The following CNTN5 variants were observed in gnomAD, a reference collection of about 807,000 sequenced individuals.
The protein encoded by CNTN5 is contactin-5.
A neutral mutation model predicts 129.1 loss-of-function variants in CNTN5; 77 were observed. That is an observed-to-expected ratio of 0.60 (90% CI 0.50 to 0.72). CNTN5 has a LOEUF of 0.72. Ranked by LOEUF, CNTN5 falls within the 30% of genes least tolerant of loss-of-function variation. The pLI is 0.00. For missense variants in CNTN5, 1,478 were observed against 1,328.8 expected (o/e 1.11, Z -1.75); for synonymous variants, 509 against 465.6 (o/e 1.09, Z -1.20).
chr11:99,644,425 T>G (rs1951876185), intron 3 of CNTN5, among the ~76,000 whole-genome samples: 1 of 152,188 alleles, frequency 6.6e-6, no homozygotes, highest in African/African-American at 2.4e-5. Context: ...TAGCTCTATA[T>G]CACTTCATAA....
At chr11:99,350,436 A>T (rs1031168035) in intron 2 of CNTN5, among the ~76,000 whole-genome samples, 2 of 152,302 alleles carry the variant, frequency 1.3e-5, no homozygotes, top group East Asian at 3.9e-4. Context: ...ATGCACTGTG[A>T]ACCAGCAATT....
intron 2 of CNTN5, among the ~76,000 whole-genome samples, chr11:99,487,949 T>C (rs1305141907): frequency 1.3e-5 from 2 of 152,158 alleles, no homozygotes; most frequent in African/African-American, 4.8e-5. Flanking sequence ...CCACAGTAAA[T>C]ATAACTAATT....
chr11:100,176,582 G>C (rs763284080), intron 13 of CNTN5, among the ~76,000 whole-genome samples: 2 of 151,982 alleles, frequency 1.3e-5, no homozygotes, highest in Non-Finnish European at 2.9e-5. Flanking sequence ...ATGTAAAGTG[G>C]ATTAAGGATG....
intron 3 of CNTN5, among the ~76,000 whole-genome samples, chr11:99,802,449 C>G (rs372127871): frequency 6.6e-6 from 1 of 152,158 alleles, no homozygotes; most frequent in Non-Finnish European, 1.5e-5. Context: ...ATTAATAGTG[C>G]CGTTTGCAAG....
At chr11:100,051,241 G>A (rs1231381542) in intron 9 of CNTN5, among the ~76,000 whole-genome samples, 1 of 151,976 alleles carries the variant, frequency 6.6e-6, no homozygotes, top group Non-Finnish European at 1.5e-5. Context: ...TAAATTATGT[G>A]TTGGGCCGTA....
chr11:99,819,851 A>G lies in CNTN5; in HGVS notation c.277+86A>G, dbSNP rs997658788. On this transcript the variant is annotated intron_variant, in intron 4 of 24. Transcript: ENST00000524871. ...TACTGTTGCAACAGAGATCAAGACTATTCCAGTAGGAGAGAGTGATTGAAC... is the reference window on the plus strand; with the variant it reads ...TACTGTTGCAACAGAGATCAAGACTGTTCCAGTAGGAGAGAGTGATTGAAC... The G allele has an allele frequency of 5.1e-5, 44 of 870,856 alleles. No homozygotes were observed. In the African/African-American group the frequency reaches 6.2e-4, roughly 12 times the overall value. The allele number at this position is 870,856 out of a possible 1,614,324, so 53.9% of individuals were successfully genotyped here. A position where few individuals can be genotyped will look rare whatever the true frequency, so the allele number is the denominator to read the frequency against.
At chr11:99,874,291 G>C (rs975137343) in intron 6 of CNTN5, among the ~76,000 whole-genome samples, 1 of 152,110 alleles carries the variant, frequency 6.6e-6, no homozygotes, top group Non-Finnish European at 1.5e-5. Flanking sequence ...CTCATCTGTT[G>C]AAAACTTAAG....
At chr11:99,075,649 C>A (rs1180695907) in intron 1 of CNTN5, among the ~76,000 whole-genome samples, 1 of 152,076 alleles carries the variant, frequency 6.6e-6, no homozygotes, top group African/African-American at 2.4e-5. Context: ...TATTTAGCAA[C>A]TTTATTTCCT....
At chr11:99,295,672 C>T (rs190049140) in intron 1 of CNTN5, among the ~76,000 whole-genome samples, 3 of 150,918 alleles carry the variant, frequency 2.0e-5, no homozygotes, top group Non-Finnish European at 2.9e-5. Context: ...GTCAGGAGAT[C>T]GAGACCATCC....
chr11:99,911,915 C>CA lies in CNTN5; in HGVS notation c.578-4137dup, dbSNP rs539734245. 2.2e-3 allele frequency among the ~76,000 whole-genome samples: 328 copies of CA among 151,980 alleles called. 2 individuals carry two copies. Among genetic ancestry groups the CA allele is most frequent in the African/African-American group, 7.4e-3 (308 of 41,498 alleles). On this transcript the variant is annotated intron_variant, in intron 6 of 24. Transcript: ENST00000524871. ...TTAAGTTTAGAGTCAAATTTGTAGC[C>CA]AACTTCCAATAATTTACAACAATAT...
chr11:99,274,528 T>A (rs12421350), intron 1 of CNTN5, among the ~76,000 whole-genome samples: 14,662 of 151,604 alleles, frequency 0.097, 1,527 homozygotes, highest in East Asian at 0.45. Flanking sequence ...AATTAGTATC[T>A]TTTGTATTAA....
At chr11:99,021,684 T>C (rs1422110024) in intron 1 of CNTN5, among the ~76,000 whole-genome samples, 2 of 152,172 alleles carry the variant, frequency 1.3e-5, no homozygotes, top group Non-Finnish European at 2.9e-5. Context: ...GAGCAATGAG[T>C]TTCCGAGACT....
At chr11:99,031,168 A>C (rs1863356505) in intron 1 of CNTN5, among the ~76,000 whole-genome samples, 1 of 152,080 alleles carries the variant, frequency 6.6e-6, no homozygotes, top group Non-Finnish European at 1.5e-5. Context: ...ATTTTACAGC[A>C]AAAATACAAT....
chr11:99,032,016 G>A (rs1863411637), intron 1 of CNTN5, among the ~76,000 whole-genome samples: 2 of 148,794 alleles, frequency 1.3e-5, no homozygotes, highest in African/African-American at 5.0e-5. Flanking sequence ...AATATGCGGT[G>A]TTTGGTTTTT....
intron 2 of CNTN5, among the ~76,000 whole-genome samples, chr11:99,388,635 C>A (rs1304503541): frequency 6.6e-6 from 1 of 152,256 alleles, no homozygotes; most frequent in East Asian, 1.9e-4. Flanking sequence ...AGTGTGGAAT[C>A]TACTGCCACA....
At chr11:99,407,219 T>C (rs1012865116) in intron 2 of CNTN5, among the ~76,000 whole-genome samples, 16 of 147,806 alleles carry the variant, frequency 1.1e-4, no homozygotes, top group African/African-American at 3.7e-4. Flanking sequence ...CATAGTTATC[T>C]GGGTATTACT....
At chr11:100,127,610 T>TCTTA (rs1213127289) in intron 13 of CNTN5, among the ~76,000 whole-genome samples, 1 of 151,014 alleles carries the variant, frequency 6.6e-6, no homozygotes, top group East Asian at 1.9e-4. Context: ...GCCAAATGAA[T>TCTTA]CTTAATGGTT....
intron 2 of CNTN5, among the ~76,000 whole-genome samples, chr11:99,494,673 T>C (rs1946159881): frequency 1.3e-5 from 2 of 152,208 alleles, no homozygotes; most frequent in Admixed American, 1.3e-4. Context: ...CAGATGACTA[T>C]GGTGAGGAGT....
At chr11:99,209,956 A>G (rs1859682628) in intron 1 of CNTN5, among the ~76,000 whole-genome samples, 1 of 152,156 alleles carries the variant, frequency 6.6e-6, no homozygotes, top group African/African-American at 2.4e-5. Flanking sequence ...CAACGAAAAC[A>G]ACTACTTCTT....
Sources: allele counts gnomAD v4.1 joint callset (sites outside exome capture counted in the v4.1 genomes callset), GRCh38; gene constraint gnomAD v4.1.1; transcripts MANE v1.5; gene names NCBI Gene and HGNC (gene_info 2026-07-23, HGNC 2026-07-21).